The following ZNF107 variants were observed in gnomAD, a reference collection of about 807,000 sequenced individuals.
The protein encoded by ZNF107 is C2H2 type zinc-finger protein.
In ZNF107, 19 loss-of-function variants were observed where a neutral mutation model predicts 12.3. That is an observed-to-expected ratio of 1.55 (90% CI 1.08 to 2.27). The LOEUF is 2.27. Among genes scored for constraint, ZNF107 ranks in the 30% most tolerant of loss-of-function variants. The pLI is 0.00. For missense variants in ZNF107, 958 were observed against 979.9 expected (o/e 0.98, Z 0.30); for synonymous variants, 317 against 330.5 (o/e 0.96, Z 0.44).
chr7:64,680,933 C>T (rs542822560), intron 1 of ZNF107, among the ~76,000 whole-genome samples: 132 of 152,308 alleles, frequency 8.7e-4, no homozygotes, highest in African/African-American at 2.9e-3. Flanking sequence ...CAGCGCCCAG[C>T]AGCCCCTCCA....
In ZNF107 at chr7:64,707,829, T is replaced by C. The variant is rs772557661; in HGVS notation, c.1732T>C (p.Tyr578His). 2.5e-6 allele frequency: 4 copies of C among 1,612,406 alleles called. No individual in the cohort carries two copies. Among genetic ancestry groups the C allele is most frequent in the Non-Finnish European group, 3.4e-6 (4 of 1,179,468 alleles). Residue 578 changes from tyrosine to histidine, a missense_variant, in exon 4 of 4, where the codon TAT becomes CAT. Tyr to His is a moderately conservative substitution (Grantham distance 83, BLOSUM62 2). Coordinates refer to ENST00000620827, the MANE Select transcript of ZNF107 (RefSeq NM_001282359.2). ...EECGKAFNQS[Y>H]QLTRHKIVHT... The stretch of plus-strand genomic sequence containing the variant: ...ATGTGGAAAAGCCTTTAATCAATCC[T>C]ATCAACTTACTAGACATAAGATAGT...
chr7:64,708,978 G>T lies in ZNF107; in HGVS notation c.*322G>T. 1 of 469,534 alleles carries T rather than the reference G, an allele frequency of 2.1e-6. No individual in the cohort carries two copies. 29.1% of individuals were successfully genotyped at this position (469,534 alleles called of 1,614,324 possible). A position where few individuals can be genotyped will look rare whatever the true frequency, so the allele number is the denominator to read the frequency against. Reference sequence around the variant, plus strand: ...AAAGCCATACAAATGAGAAGAATGTGGCAATGCCTTTAATCAGTCCTCACA... The same window carrying T: ...AAAGCCATACAAATGAGAAGAATGTTGCAATGCCTTTAATCAGTCCTCACA... On this transcript the variant is annotated 3_prime_UTR_variant, in exon 4 of 4. Transcript: ENST00000620827.
intron 3 of ZNF107, among the ~76,000 whole-genome samples, chr7:64,704,719 A>G (rs983687526): frequency 6.6e-6 from 1 of 152,156 alleles, no homozygotes; most frequent in Non-Finnish European, 1.5e-5. Context: ...CTTGTTGCCC[A>G]GGCTGGAGTG....
intron 3 of ZNF107, among the ~76,000 whole-genome samples, chr7:64,696,379 G>A (rs1288595152): frequency 6.6e-6 from 1 of 152,106 alleles, no homozygotes; most frequent in Non-Finnish European, 1.5e-5. Context: ...GCCAGGCATG[G>A]TAGTGTGCAC....
At chr7:64,706,244 A>C in intron 3 of ZNF107, 80 bp from the exon 4 acceptor site, 1 of 1,267,564 alleles carries the variant, frequency 7.9e-7, no homozygotes, top group East Asian at 2.7e-5. Flanking sequence ...TGTAGTTTGT[A>C]TAATTTTATA....
At chr7:64,695,835 T>C (rs1336101247) in intron 3 of ZNF107, among the ~76,000 whole-genome samples, 1 of 152,218 alleles carries the variant, frequency 6.6e-6, no homozygotes, top group Non-Finnish European at 1.5e-5. Context: ...AGGCAATTTT[T>C]GAAAAGATTT....
At chr7:64,696,248 TCA>T (rs1328872122) in intron 3 of ZNF107, among the ~76,000 whole-genome samples, 1 of 152,094 alleles carries the variant, frequency 6.6e-6, no homozygotes, top group African/African-American at 2.4e-5. Context: ...AGACGGGGTT[TCA>T]CCATGCTGGC....
At chr7:64,680,471 C>A (rs757689513) in intron 1 of ZNF107, among the ~76,000 whole-genome samples, 1 of 152,096 alleles carries the variant, frequency 6.6e-6, no homozygotes, top group African/African-American at 2.4e-5. Context: ...GTGAGGACCC[C>A]CAGTGGAACT....
At chr7:64,679,248 C>T (rs1344972867) in intron 1 of ZNF107, 1 of 984,986 alleles carries the variant, frequency 1.0e-6, no homozygotes, top group Non-Finnish European at 1.2e-6. Context: ...TGTCCCTTAA[C>T]CCCTTCCCCC....
In ZNF107 at chr7:64,711,481, C is replaced by T. The variant is rs183714511; in HGVS notation, c.*2825C>T. On this transcript the variant is annotated 3_prime_UTR_variant, in exon 4 of 4. Coordinates refer to ENST00000620827, the MANE Select transcript of ZNF107 (RefSeq NM_001282359.2). ...TTTTAGATACTTTAGAATGTACAGT[C>T]GTTACTACAGGGTCATTTTATGGTT... is the stretch of plus-strand genomic sequence containing the variant. 45 of 152,096 alleles carry T rather than the reference C, an allele frequency of 3.0e-4. No homozygotes were observed. Among genetic ancestry groups the T allele is most frequent in the Admixed American group, 8.5e-4 (13 of 15,260 alleles). 9.4% of individuals were successfully genotyped at this position (152,096 alleles called of 1,614,324 possible).
chr7:64,689,041 T>C (rs1271675709), intron 1 of ZNF107, among the ~76,000 whole-genome samples: 1 of 152,212 alleles, frequency 6.6e-6, no homozygotes, highest in African/African-American at 2.4e-5. Context: ...CATGAATCTT[T>C]GATCCCAGGT....
Position 64,697,578 on chromosome 7 carries a change from T to C in ZNF107, c.226+5618T>C, listed in dbSNP as rs1400451461. Among the ~76,000 whole-genome samples the C allele has an allele frequency of 2.6e-5, 4 of 152,216 alleles. No homozygotes were observed. In the East Asian group the frequency reaches 7.7e-4, roughly 29 times the overall value. On this transcript the variant is annotated intron_variant, in intron 3 of 3. Transcript: ENST00000620827. ...TTTGTGAATACTGGTACAATAAACA[T>C]AGATGTTCAAATATGTCTTTCAGGT... is the stretch of plus-strand genomic sequence containing the variant.
intron 3 of ZNF107, among the ~76,000 whole-genome samples, chr7:64,699,821 C>A (rs926340094): frequency 6.6e-6 from 1 of 152,108 alleles, no homozygotes; most frequent in Non-Finnish European, 1.5e-5. Context: ...GTAATCCCAG[C>A]ACTTTGGGAG....
At chr7:64,675,289 G>A (rs943208493) in intron 1 of ZNF107, among the ~76,000 whole-genome samples, 3 of 152,128 alleles carry the variant, frequency 2.0e-5, no homozygotes, top group African/African-American at 7.2e-5. Flanking sequence ...CTTGTTATTG[G>A]TCTATTCAGG....
intron 1 of ZNF107, among the ~76,000 whole-genome samples, chr7:64,670,120 A>G (rs892642723): frequency 2.6e-5 from 4 of 152,232 alleles, no homozygotes; most frequent in Non-Finnish European, 5.9e-5. Context: ...GAGTCTTACT[A>G]AAGATGAAGT....
chr7:64,700,698 C>A (rs1790449068), intron 3 of ZNF107, among the ~76,000 whole-genome samples: 1 of 151,708 alleles, frequency 6.6e-6, no homozygotes, highest in Admixed American at 6.6e-5. Flanking sequence ...TGCCACCATG[C>A]CTGGCTAATT....
At chr7:64,666,338 C>T in intron 1 of ZNF107, 53 bp downstream of exon 1, 1 of 1,597,884 alleles carries the variant, frequency 6.3e-7, no homozygotes, top group Non-Finnish European at 8.5e-7. Flanking sequence ...TGGTTGGAAC[C>T]GATCGGAAGT....
Position 64,708,680 on chromosome 7 carries a change from A to G in ZNF107, c.*24A>G, listed in dbSNP as rs770447219. The G allele has an allele frequency of 1.3e-6, 2 of 1,573,098 alleles. No homozygotes were observed. The highest frequency in any genetic ancestry group is 3.7e-5 in the Admixed American group (2 of 54,262). Reference sequence around the variant, plus strand: ...AATTGATCCTACAAGCTTACTACACATAGGAAAATTCATACTGGAGAGAAA... The same window carrying G: ...AATTGATCCTACAAGCTTACTACACGTAGGAAAATTCATACTGGAGAGAAA... On this transcript the variant is annotated 3_prime_UTR_variant, in exon 4 of 4. Coordinates refer to ENST00000620827, the MANE Select transcript of ZNF107 (RefSeq NM_001282359.2).
At chr7:64,695,013 C>T (rs185313782) in intron 3 of ZNF107, among the ~76,000 whole-genome samples, 144 of 152,086 alleles carry the variant, frequency 9.5e-4, no homozygotes, top group Admixed American at 2.0e-3. Flanking sequence ...ATAACTTATT[C>T]TCAAATACTT....
Sources: gnomAD v4.1 joint callset for allele counts (sites outside exome capture counted in the v4.1 genomes callset) on GRCh38, gnomAD v4.1.1 for gene constraint, MANE v1.5 for transcripts, NCBI Gene and HGNC (gene_info 2026-07-23, HGNC 2026-07-21) for gene names.